Variants in KIAA1210 observed in about 807,000 individuals in gnomAD.
KIAA1210 encodes KIAA1210.
Under a neutral mutation model 78.9 loss-of-function variants are expected in KIAA1210, and 48 were observed. The ratio of observed to expected loss-of-function variants is 0.61; its 90% confidence interval spans 0.48 to 0.77. KIAA1210 has a LOEUF of 0.77. Ranked by LOEUF, KIAA1210 falls within the 30% of genes least tolerant of loss-of-function variation. The pLI, the probability that KIAA1210 is intolerant of heterozygous loss-of-function variation, is 0.00. For synonymous variants in KIAA1210, 406 were observed against 404.5 expected, an observed-to-expected ratio of 1.00 and a Z score of -0.04; for missense variants, 1,108 against 1,100.0, an observed-to-expected ratio of 1.01 and a Z score of -0.10.
At chrX:119,143,947 C>T (rs1253649728) in intron 2 of KIAA1210, among the ~76,000 whole-genome samples, 1 of 112,509 alleles carries the variant, frequency 8.9e-6, no homozygotes, top group Admixed American at 9.4e-5. Flanking sequence ...TATTTGACTC[C>T]AAAGCCCCAT....
At chrX:119,099,623 C>G (rs1927672909) in intron 6 of KIAA1210, among the ~76,000 whole-genome samples, 1 of 112,252 alleles carries the variant, frequency 8.9e-6, no homozygotes, top group African/African-American at 3.2e-5. Context: ...TATGTTATGA[C>G]TTCCCTTAAC....
intron 3 of KIAA1210, among the ~76,000 whole-genome samples, chrX:119,111,139 A>G (rs1928058110): frequency 8.9e-6 from 1 of 111,907 alleles, no homozygotes; most frequent in African/African-American, 3.2e-5. Context: ...AAATGAACCT[A>G]TACATCTATG....
At chrX:119,118,983 T>C (rs1341654129) in intron 2 of KIAA1210, among the ~76,000 whole-genome samples, 1 of 112,174 alleles carries the variant, frequency 8.9e-6, no homozygotes, top group Non-Finnish European at 1.9e-5. Flanking sequence ...AACAGCTGTG[T>C]CCACTGGGGA....
upstream of KIAA1210, among the ~76,000 whole-genome samples, chrX:119,131,000 C>T (rs1398199270): frequency 9.0e-6 from 1 of 111,490 alleles, no homozygotes; most frequent in African/African-American, 3.3e-5. Flanking sequence ...GGAAAAGGCC[C>T]TTCTTCCAAG....
In KIAA1210 at chrX:119,088,510, T is replaced by C; in HGVS notation, c.2192A>G (p.Gln731Arg). The change falls in exon 9 of 12, where the codon CAG becomes CGG. Residue 731 changes from glutamine to arginine, a missense_variant. Transcript: ENST00000691062. ...NTPEEQNDFM[Q>R]QLPSRCPSQP... is the part of the protein sequence containing the mutation. ...AGAAGGGCATCTGGAAGGCAGCTGC[T>C]GCATAAAATCATTCTGCTCTTCAGG... is the stretch of plus-strand genomic sequence containing the variant. 8.3e-7 allele frequency: 1 copy of C among 1,211,314 alleles called. No individual in the cohort carries two copies. Among genetic ancestry groups the C allele is most frequent in the East Asian group, 3.0e-5 (1 of 33,852 alleles).
intron 2 of KIAA1210, among the ~76,000 whole-genome samples, chrX:119,138,380 G>A (rs1197956036): frequency 1.3e-4 from 14 of 109,633 alleles, no homozygotes; most frequent in Non-Finnish European, 2.3e-4. Flanking sequence ...CACCATGCCC[G>A]GCTAATTTTT....
chrX:119,150,206 C>T, intron 1 of KIAA1210: 1 of 981,704 alleles, frequency 1.0e-6, no homozygotes, highest in African/African-American at 1.9e-5. Flanking sequence ...ATAAACATCA[C>T]CCTTGTGCAG....
chrX:119,107,731 T>A (rs1927935258), intron 5 of KIAA1210, among the ~76,000 whole-genome samples: 2 of 111,684 alleles, frequency 1.8e-5, no homozygotes, highest in African/African-American at 6.5e-5. Context: ...AATAATCATC[T>A]CTCCAATGGA....
At chrX:119,100,756 T>A (rs139067362) in intron 6 of KIAA1210, among the ~76,000 whole-genome samples, 2,042 of 112,017 alleles carry the variant, frequency 0.018, 45 homozygotes, top group African/African-American at 0.062. Flanking sequence ...TCTCCAATGT[T>A]TATTTCCCAC....
At chrX:119,117,404 G>A (rs1178750532) in intron 2 of KIAA1210, among the ~76,000 whole-genome samples, 1 of 110,670 alleles carries the variant, frequency 9.0e-6, no homozygotes, top group East Asian at 2.8e-4. Context: ...GATGATCATT[G>A]TGTGTGTTCT....
At chrX:119,095,630 C>T (rs987245668) in intron 7 of KIAA1210, among the ~76,000 whole-genome samples, 6 of 111,748 alleles carry the variant, frequency 5.4e-5, no homozygotes, top group African/African-American at 2.0e-4. Context: ...TCAGGTGATC[C>T]GCCCGCCTTG....
intron 3 of KIAA1210, among the ~76,000 whole-genome samples, chrX:119,112,131 G>T (rs1167170311): frequency 9.0e-6 from 1 of 111,524 alleles, no homozygotes; most frequent in Non-Finnish European, 1.9e-5. Context: ...CTGCCACCAT[G>T]TAAGACGTGC....
At chrX:119,146,735 A>T (rs1024635432) in intron 2 of KIAA1210, among the ~76,000 whole-genome samples, 14 of 111,125 alleles carry the variant, frequency 1.3e-4, no homozygotes, top group Admixed American at 9.5e-5. Context: ...TGACCCCTAC[A>T]CTGGTACCTG....
upstream of KIAA1210, among the ~76,000 whole-genome samples, chrX:119,150,869 G>C (rs972797366): frequency 2.0e-4 from 22 of 112,687 alleles, no homozygotes; most frequent in Non-Finnish European, 4.1e-4. Flanking sequence ...TGCAAGGCCG[G>C]CTGGCGTTCT....
chrX:119,136,702 T>C (rs960733328), intron 2 of KIAA1210, among the ~76,000 whole-genome samples: 4 of 111,850 alleles, frequency 3.6e-5, no homozygotes, highest in African/African-American at 1.3e-4. Flanking sequence ...TTTCTAAAAA[T>C]ATTTTAGAAA....
At chrX:119,119,232 T>C (rs1928368905) in intron 2 of KIAA1210, among the ~76,000 whole-genome samples, 2 of 112,566 alleles carry the variant, frequency 1.8e-5, no homozygotes, top group African/African-American at 3.2e-5. Flanking sequence ...TTCTATCTCA[T>C]TAGAAGCAGC....
chrX:119,099,846 A>C (rs1176156092), intron 6 of KIAA1210, among the ~76,000 whole-genome samples: 1 of 111,996 alleles, frequency 8.9e-6, no homozygotes, highest in Admixed American at 9.5e-5. Context: ...CCAGGAGCCA[A>C]AGTTGAGAAC....
In KIAA1210 at chrX:119,088,292, GCTT is replaced by G; in HGVS notation, c.2407_2409del (p.Lys803del). The G allele has an allele frequency of 8.3e-7, 1 of 1,211,092 alleles. No individual in the cohort carries two copies. The highest frequency in any genetic ancestry group is 1.1e-6 in the Non-Finnish European group (1 of 895,160). Reference sequence around the variant, plus strand: ...TGGCAAAGAAGTTTAGGAGGCAGAGGCTTCATAGAAATGCTCTCTTCAACAGCC... The same window carrying G: ...TGGCAAAGAAGTTTAGGAGGCAGAGGCATAGAAATGCTCTCTTCAACAGCC... On this transcript the variant is annotated inframe_deletion, in exon 9 of 12. Transcript: ENST00000691062.
In KIAA1210 at chrX:119,089,182, G is replaced by T; in HGVS notation, c.1520C>A (p.Ala507Asp). 5 of 1,209,740 alleles carry T rather than the reference G, an allele frequency of 4.1e-6. 1 individual carries two copies. The Middle Eastern group carries it at 9.2e-4, about 222-fold the overall frequency. Residue 507 changes from alanine to aspartate, a missense_variant, in exon 9 of 12, where the codon GCC (alanine) becomes GAC (aspartate). Ala to Asp is a moderately radical substitution (Grantham distance 126, BLOSUM62 -2). Around this residue, in one of 5 missense-constraint regions of KIAA1210, gnomAD observed 672 missense variants for 607.1 expected, o/e 1.11. Transcript: ENST00000691062. ...VESLSTTQEE[A>D]ILSVAAEAQV... Reference sequence around the variant, plus strand: ...AGCCTCTGCTGCTACTGAGAGAATGGCCTCCTCTTGGGTTGTAGAAAGGCT... The same window carrying T: ...AGCCTCTGCTGCTACTGAGAGAATGTCCTCCTCTTGGGTTGTAGAAAGGCT...
Sources: gnomAD v4.1 joint callset for allele counts (sites outside exome capture counted in the v4.1 genomes callset) on GRCh38, gnomAD v4.1.1 for gene constraint, gnomAD v4.1.1 regional missense constraint, MANE v1.5 for transcripts, NCBI Gene and HGNC (gene_info 2026-07-23, HGNC 2026-07-21) for gene names.